The following ATP2C1 variants were observed in gnomAD, a reference collection of about 807,000 sequenced individuals.
ATP2C1 encodes the protein calcium-transporting ATPase type 2C member 1.
A neutral mutation model predicts 120.5 loss-of-function variants in ATP2C1; 31 were observed. The observed-to-expected ratio is 0.26, with a 90% CI of 0.19 to 0.35. The LOEUF is 0.35. Ranked by LOEUF, ATP2C1 falls within the 10% of genes least tolerant of loss-of-function variation. The probability of loss-of-function intolerance (pLI) is 1.00; values close to 1 mark genes in which losing one functional copy is unlikely to be tolerated. For synonymous variants in ATP2C1, 351 were observed against 358.7 expected, an observed-to-expected ratio of 0.98 and a Z score of 0.24; for missense variants, 731 against 1,107.5, an observed-to-expected ratio of 0.66 and a Z score of 4.83.
intron 20 of ATP2C1, among the ~76,000 whole-genome samples, chr3:130,982,875 G>A (rs1272687810): frequency 1.3e-5 from 2 of 151,990 alleles, no homozygotes; most frequent in East Asian, 1.9e-4. Flanking sequence ...CCACACTCAG[G>A]TTATGCATCC....
intron 8 of ATP2C1, among the ~76,000 whole-genome samples, chr3:130,944,776 G>A (rs1451530386): frequency 2.6e-5 from 4 of 152,118 alleles, no homozygotes; most frequent in African/African-American, 9.7e-5. Flanking sequence ...CAGTGGTTGA[G>A]CCAAGATAGT....
chr3:130,931,023 G>C (rs370719862), intron 3 of ATP2C1, among the ~76,000 whole-genome samples: 18 of 152,090 alleles, frequency 1.2e-4, no homozygotes, highest in African/African-American at 4.3e-4. Context: ...GCTCTTCCTG[G>C]TTTTCAAAAG....
At chr3:130,930,018 T>G in intron 2 of ATP2C1, 1 of 336,836 alleles carries the variant, frequency 3.0e-6, no homozygotes, top group South Asian at 2.5e-5. Flanking sequence ...GAGGAGTAGT[T>G]AAAATGGAGA....
chr3:130,894,161 C>A lies in ATP2C1; in HGVS notation c.-357C>A. Reference sequence around the variant, plus strand: ...ACCTCCTCTTCTCTCCCCTCCCCGCCCGCCCTCTCTCCCTCCCTTCCTCCC... The same window carrying A: ...ACCTCCTCTTCTCTCCCCTCCCCGCACGCCCTCTCTCCCTCCCTTCCTCCC... On this transcript the variant is annotated 5_prime_UTR_variant, in exon 1 of 28. Transcript: ENST00000510168. The surrounding 1 kb of genome is among the most constrained non-coding windows in gnomAD (Gnocchi z 4.5). 1 of 732,238 alleles carries A rather than the reference C, an allele frequency of 1.4e-6. No homozygotes were observed. The highest frequency in any genetic ancestry group is 1.7e-6 in the Non-Finnish European group (1 of 598,646). The allele number at this position is 732,238 out of a possible 1,614,324, so 45.4% of individuals were successfully genotyped here. A position where few individuals can be genotyped will look rare whatever the true frequency, so the allele number is the denominator to read the frequency against.
chr3:130,967,818 T>C (rs1390132021), intron 16 of ATP2C1, among the ~76,000 whole-genome samples: 1 of 151,860 alleles, frequency 6.6e-6, no homozygotes, highest in Non-Finnish European at 1.5e-5. Context: ...CATGAGAAAA[T>C]AGCTTTGTTT....
At chr3:130,988,417 C>T (rs1482020453) in intron 20 of ATP2C1, among the ~76,000 whole-genome samples, 1 of 152,142 alleles carries the variant, frequency 6.6e-6, no homozygotes, top group Non-Finnish European at 1.5e-5. Context: ...TGGCCTTGTT[C>T]TACTCTCTTT....
chr3:130,954,111 A>G (rs2060480112), intron 9 of ATP2C1, 135 bp downstream of exon 9: 2 of 927,556 alleles, frequency 2.2e-6, no homozygotes, highest in South Asian at 1.4e-5. Context: ...CATTACATCT[A>G]TTTGTGAAAC....
At chr3:130,951,661 G>T (rs2060373540) in intron 8 of ATP2C1, among the ~76,000 whole-genome samples, 1 of 152,096 alleles carries the variant, frequency 6.6e-6, no homozygotes, top group Admixed American at 6.6e-5. Context: ...CTTTGAACAT[G>T]ACAGGTGTTT....
intron 22 of ATP2C1, among the ~76,000 whole-genome samples, chr3:130,995,450 A>G (rs926012244): frequency 7.9e-5 from 12 of 151,988 alleles, no homozygotes; most frequent in Non-Finnish European, 1.3e-4. Context: ...TTTATGTATT[A>G]TGAATGTGAA....
intron 8 of ATP2C1, among the ~76,000 whole-genome samples, chr3:130,947,769 T>C (rs1453299479): frequency 6.6e-6 from 1 of 152,154 alleles, no homozygotes; most frequent in Non-Finnish European, 1.5e-5. Flanking sequence ...GTGCCCTTCT[T>C]TGTTTTTTTT....
intron 20 of ATP2C1, among the ~76,000 whole-genome samples, chr3:130,989,768 A>G (rs2062227448): frequency 6.6e-6 from 1 of 152,126 alleles, no homozygotes; most frequent in Non-Finnish European, 1.5e-5. Flanking sequence ...CACAGTCACA[A>G]CCTTTCATTC....
intron 1 of ATP2C1, among the ~76,000 whole-genome samples, chr3:130,878,150 AG>A (rs2068667610): frequency 1.4e-5 from 1 of 70,734 alleles, no homozygotes; most frequent in Non-Finnish European, 2.6e-5. Flanking sequence ...GGGTGGGGGG[AG>A]GGGGGAGGGA....
chr3:130,893,902 G>A, upstream of ATP2C1: 1 of 984,648 alleles, frequency 1.0e-6, no homozygotes, highest in East Asian at 1.1e-4. Flanking sequence ...ATTCCGGGCC[G>A]AAGTCTCGGC....
Position 130,894,483 on chromosome 3 carries a change from G to C in ATP2C1, c.-180-107G>C. 1.5e-6 allele frequency: 2 copies of C among 1,367,966 alleles called. No homozygotes were observed. The highest frequency in any genetic ancestry group is 3.1e-5 in the Admixed American group (1 of 32,602). The allele number at this position is 1,367,966 out of a possible 1,614,324, so 84.7% of individuals were successfully genotyped here. ...GCTGGGGACGTTGCGGGCACACGACGGGGCGGGTGCGGGATCTTGGGGAGG... is the reference window on the plus strand; with the variant it reads ...GCTGGGGACGTTGCGGGCACACGACCGGGCGGGTGCGGGATCTTGGGGAGG... On this transcript the variant is annotated intron_variant, in intron 1 of 27. Coordinates refer to ENST00000510168, the MANE Select transcript of ATP2C1 (RefSeq NM_001378687.1). The surrounding 1 kb of genome is among the most constrained non-coding windows in gnomAD (Gnocchi z 4.5).
At chr3:130,984,494 C>T (rs542210338) in intron 20 of ATP2C1, among the ~76,000 whole-genome samples, 1 of 152,334 alleles carries the variant, frequency 6.6e-6, no homozygotes, top group Non-Finnish European at 1.5e-5. Flanking sequence ...TCCAGCCCCA[C>T]TTCCCTCATC....
intron 26 of ATP2C1, among the ~76,000 whole-genome samples, chr3:131,014,663 G>A (rs2063507152): frequency 6.6e-6 from 1 of 152,194 alleles, no homozygotes; most frequent in Non-Finnish European, 1.5e-5. Context: ...CTGAGCAGGT[G>A]TCTTTAACAA....
intron 2 of ATP2C1, among the ~76,000 whole-genome samples, chr3:130,927,275 C>T (rs1480971500): frequency 6.7e-6 from 1 of 148,244 alleles, no homozygotes; most frequent in Non-Finnish European, 1.5e-5. Flanking sequence ...GAGTCTCGCT[C>T]TGTCGCCCAG....
At chr3:130,946,208 A>G (rs2060147599) in intron 8 of ATP2C1, among the ~76,000 whole-genome samples, 1 of 152,226 alleles carries the variant, frequency 6.6e-6, no homozygotes, top group African/African-American at 2.4e-5. Context: ...TAATCTGGGC[A>G]GAAAGGTTAG....
At chr3:131,004,490 G>T (rs779435044), downstream of ATP2C1, among the ~76,000 whole-genome samples, 1 of 152,194 alleles carries the variant, frequency 6.6e-6, no homozygotes, top group Non-Finnish European at 1.5e-5. Flanking sequence ...AGATACAATT[G>T]TCCATAAACA....
Sources: allele counts gnomAD v4.1 joint callset (sites outside exome capture counted in the v4.1 genomes callset), GRCh38; gene constraint gnomAD v4.1.1; non-coding constraint Gnocchi (gnomAD v3.1); transcripts MANE v1.5; gene names NCBI Gene and HGNC (gene_info 2026-07-23, HGNC 2026-07-21).